Variants in C4orf36 observed in about 807,000 individuals in gnomAD.
C4orf36 encodes the protein uncharacterized protein C4orf36.
A neutral mutation model predicts 12.2 loss-of-function variants in C4orf36; 11 were observed. That is an observed-to-expected ratio of 0.90 (90% confidence interval 0.57 to 1.49). The LOEUF is 1.49. C4orf36 is among the 40% of genes most tolerant of loss of function. The pLI, the probability that C4orf36 is intolerant of heterozygous loss-of-function variation, is 0.00. For missense variants in C4orf36, 137 were observed against 133.9 expected (o/e 1.02, Z -0.11); for synonymous variants, 54 against 51.3 (o/e 1.05, Z -0.22).
At chr4:86,879,509 T>C (rs527702423) in intron 4 of C4orf36, among the ~76,000 whole-genome samples, 1 of 152,072 alleles carries the variant, frequency 6.6e-6, no homozygotes, top group East Asian at 1.9e-4. Context: ...AAAGAAAGAA[T>C]GAAGAAAAGT....
chr4:86,923,154 C>T, the C4orf36 span, among the ~76,000 whole-genome samples: 10 of 150,504 alleles, frequency 6.6e-5, no homozygotes, highest in Non-Finnish European at 1.5e-5. Context: ...TGCAGTGATA[C>T]AATCATGATT....
chr4:86,886,811 C>T (rs893300763), intron 4 of C4orf36: 4 of 152,248 alleles, frequency 2.6e-5, no homozygotes, highest in African/African-American at 9.6e-5. Context: ...GACACATGCA[C>T]ACGTATGTTT....
At chr4:86,919,315 C>CTTTTTTTTTTTTTTTTTTTTTTTTTTTTT in the C4orf36 span, among the ~76,000 whole-genome samples, 1 of 81,354 alleles carries the variant, frequency 1.2e-5, no homozygotes, top group African/African-American at 5.5e-5. Flanking sequence ...TTTTTTCCCC[C>CTTTTTTTTTTTTTTTTTTTTTTTTTTTTT]TTTTTTTTTT....
intron 4 of C4orf36, among the ~76,000 whole-genome samples, chr4:86,880,780 G>A (rs1011972772): frequency 1.3e-5 from 2 of 152,148 alleles, no homozygotes; most frequent in Admixed American, 6.5e-5. Context: ...AGTGGCTCAT[G>A]CCTGTAGTCC....
At chr4:86,884,954 T>C (rs1029781318) in intron 4 of C4orf36, among the ~76,000 whole-genome samples, 1 of 152,218 alleles carries the variant, frequency 6.6e-6, no homozygotes, top group Admixed American at 6.5e-5. Flanking sequence ...ATTTGTTAAA[T>C]AGGGAATCCT....
At chr4:86,900,323 G>T in the C4orf36 span, among the ~76,000 whole-genome samples, 1 of 152,096 alleles carries the variant, frequency 6.6e-6, no homozygotes, top group Non-Finnish European at 1.5e-5. Context: ...GTGAGCCACC[G>T]CACCTGGCAG....
intron 1 of C4orf36, 78 bp downstream of exon 1, chr4:86,892,105 C>G: frequency 1.0e-6 from 1 of 985,754 alleles, no homozygotes; most frequent in Non-Finnish European, 1.2e-6. Flanking sequence ...GAACTGGTTC[C>G]CGGGACGGGT....
the C4orf36 span, among the ~76,000 whole-genome samples, chr4:86,928,567 G>A: frequency 6.6e-6 from 1 of 152,218 alleles, no homozygotes; most frequent in Non-Finnish European, 1.5e-5. Flanking sequence ...CTAGATTTGA[G>A]GCAAACGAGC....
At position 86,891,467 on chromosome 4, in the gene C4orf36, A is replaced by G. The variant is rs1747413094; in HGVS notation, c.54T>C (p.Ser18=). ...AAAATAGTACTTACACATTATAACA[A>G]CTGCCCCGCAAAATGGTTTTCACTG... ...KNTVKTILRG[S]CYNVQEPWDI... is the part of the protein sequence containing the mutation. The change falls in exon 2 of 5, where the codon AGT becomes AGC. Residue 18 remains serine (S), a synonymous_variant. Transcript: ENST00000295898. 1 of 1,613,808 alleles carries G rather than the reference A, an allele frequency of 6.2e-7. No homozygotes were observed. The highest frequency in any genetic ancestry group is 8.5e-7 in the Non-Finnish European group (1 of 1,179,954).
At chr4:86,928,756 G>C in the C4orf36 span, among the ~76,000 whole-genome samples, 1 of 152,018 alleles carries the variant, frequency 6.6e-6, no homozygotes, top group Non-Finnish European at 1.5e-5. Context: ...TGTCTTTTTA[G>C]TTTCTAAAGG....
At chr4:86,879,558 G>C (rs1337140087) in intron 4 of C4orf36, among the ~76,000 whole-genome samples, 2 of 152,110 alleles carry the variant, frequency 1.3e-5, no homozygotes, top group Non-Finnish European at 2.9e-5. Context: ...CCATCAAACA[G>C]ACCAATATAT....
chr4:86,934,628 C>T, the C4orf36 span: 1 of 152,212 alleles, frequency 6.6e-6, no homozygotes, highest in Non-Finnish European at 1.5e-5. Flanking sequence ...TTATTATCTC[C>T]TTTAAAGGGC....
the C4orf36 span, among the ~76,000 whole-genome samples, chr4:86,904,435 C>T: frequency 1.3e-5 from 2 of 152,084 alleles, no homozygotes; most frequent in East Asian, 1.9e-4. Flanking sequence ...GGAGAGTGAG[C>T]GAGGGCTGGT....
At chr4:86,890,913 C>G (rs1207388502) in intron 2 of C4orf36, among the ~76,000 whole-genome samples, 3 of 152,124 alleles carry the variant, frequency 2.0e-5, no homozygotes, top group Non-Finnish European at 4.4e-5. Flanking sequence ...AGAAGATGGC[C>G]TTAGGGAGCT....
chr4:86,923,763 CAA>C, the C4orf36 span, among the ~76,000 whole-genome samples: 26 of 62,404 alleles, frequency 4.2e-4, no homozygotes, highest in African/African-American at 6.4e-4. Flanking sequence ...GACTCTGTCT[CAA>C]AAAAAAAAAA....
chr4:86,898,619 T>C, the C4orf36 span, among the ~76,000 whole-genome samples: 2 of 152,162 alleles, frequency 1.3e-5, no homozygotes, highest in African/African-American at 4.8e-5. Flanking sequence ...ATAAGATCTC[T>C]AATTATAAAT....
the C4orf36 span, among the ~76,000 whole-genome samples, chr4:86,922,746 C>G: frequency 2.0e-5 from 3 of 152,156 alleles, no homozygotes; most frequent in Non-Finnish European, 4.4e-5. Context: ...GCACCACCAC[C>G]TCTATCTGCA....
the C4orf36 span, among the ~76,000 whole-genome samples, chr4:86,900,629 T>A: frequency 6.6e-6 from 1 of 152,172 alleles, no homozygotes; most frequent in Non-Finnish European, 1.5e-5. Flanking sequence ...CACACACTCT[T>A]GCCCTGACCT....
chr4:86,935,700 GGAGA>G, the C4orf36 span: 2 of 152,234 alleles, frequency 1.3e-5, no homozygotes, highest in Admixed American at 1.3e-4. Flanking sequence ...TGCCTGTCGT[GGAGA>G]GAGATGAGGG....
Sources: gnomAD v4.1 joint callset for allele counts (sites outside exome capture counted in the v4.1 genomes callset) on GRCh38, gnomAD v4.1.1 for gene constraint, MANE v1.5 for transcripts, NCBI Gene and HGNC (gene_info 2026-07-23, HGNC 2026-07-21) for gene names.